The following CABLES1 variants were observed in gnomAD, a reference collection of about 807,000 sequenced individuals.
CABLES1 encodes the protein Cdk5 and Abl enzyme substrate 1.
Under a neutral mutation model 57.8 loss-of-function variants are expected in CABLES1, and 36 were observed. The ratio of observed to expected loss-of-function variants is 0.62; its 90% confidence interval spans 0.48 to 0.82. The LOEUF (loss-of-function observed/expected upper bound fraction) is 0.82. Ranked by LOEUF, CABLES1 falls within the 40% of genes least tolerant of loss-of-function variation. The pLI is 0.00. For synonymous variants in CABLES1, 374 were observed against 363.0 expected (o/e 1.03, Z -0.35); for missense variants, 767 against 836.6 (o/e 0.92, Z 1.03).
chr18:23,244,772 G>A (rs2047832302), intron 7 of CABLES1, among the ~76,000 whole-genome samples: 1 of 152,186 alleles, frequency 6.6e-6, no homozygotes, highest in South Asian at 2.1e-4. Flanking sequence ...GCTTGCAGCG[G>A]CTGCATACCT....
chr18:23,245,779 G>A (rs1161629577), intron 7 of CABLES1, among the ~76,000 whole-genome samples: 1 of 152,228 alleles, frequency 6.6e-6, no homozygotes, highest in African/African-American at 2.4e-5. Context: ...CTTCCCTGCA[G>A]CCAGGCATTC....
rs1019335745 is a variant in CABLES1 at position 23,137,603 on chromosome 18, C to T, written c.845+996C>T. ...AGTTATCCCTTCTGGGAAAGAATGA[C>T]TTTCTCTGCTAGAATTTCTCTCTCC... is the stretch of plus-strand genomic sequence containing the variant. On this transcript the variant is annotated intron_variant, in intron 1 of 9. Coordinates refer to ENST00000256925, the MANE Select transcript of CABLES1 (RefSeq NM_001100619.3). Among the ~76,000 whole-genome samples, 4 of 152,206 alleles carry T rather than the reference C, an allele frequency of 2.6e-5. No individual in the cohort carries two copies. In the East Asian group the frequency reaches 7.7e-4, roughly 29 times the overall value.
chr18:23,245,345 C>CA (rs1419238932), intron 7 of CABLES1, among the ~76,000 whole-genome samples: 1 of 151,820 alleles, frequency 6.6e-6, no homozygotes, highest in Non-Finnish European at 1.5e-5. Flanking sequence ...CCATCTCTAC[C>CA]AAAAAATACA....
intron 1 of CABLES1, among the ~76,000 whole-genome samples, chr18:23,153,414 T>A (rs2046945537): frequency 6.6e-6 from 1 of 151,980 alleles, no homozygotes; most frequent in Non-Finnish European, 1.5e-5. Context: ...CCTTTTAAGA[T>A]TAATTTTGAA....
chr18:23,163,545 G>A (rs75039407), intron 1 of CABLES1, among the ~76,000 whole-genome samples: 1 of 152,060 alleles, frequency 6.6e-6, no homozygotes, highest in South Asian at 2.1e-4. Flanking sequence ...AGGGAAGCCT[G>A]GGGGGCTGAG....
chr18:23,161,664 A>G (rs1342974791), intron 1 of CABLES1, among the ~76,000 whole-genome samples: 1 of 150,476 alleles, frequency 6.6e-6, no homozygotes, highest in African/African-American at 2.5e-5. Context: ...TAATCCCAGC[A>G]CTTTGGGAGG....
intron 9 of CABLES1, among the ~76,000 whole-genome samples, chr18:23,254,202 T>C (rs2048108597): frequency 1.3e-5 from 2 of 152,212 alleles, no homozygotes; most frequent in African/African-American, 4.8e-5. Context: ...GATGCAATCA[T>C]TCCCACAGCC....
chr18:23,178,362 C>T (rs962657849), intron 1 of CABLES1, among the ~76,000 whole-genome samples: 3 of 152,182 alleles, frequency 2.0e-5, no homozygotes, highest in Non-Finnish European at 1.5e-5. Context: ...GCCACTGAGC[C>T]AGCGACCCTG....
intron 7 of CABLES1, among the ~76,000 whole-genome samples, chr18:23,241,259 G>A (rs1339314137): frequency 6.6e-6 from 1 of 151,908 alleles, no homozygotes; most frequent in Non-Finnish European, 1.5e-5. Context: ...AGTGGATCAC[G>A]CCTATAAATC....
chr18:23,253,641 G>A (rs2048094082), intron 8 of CABLES1, 88 bp from the exon 9 acceptor site: 1 of 1,131,964 alleles, frequency 8.8e-7, no homozygotes, highest in African/African-American at 1.6e-5. Context: ...AAGAGAAAGA[G>A]AAAAAGCATT....
chr18:23,238,375 G>A (rs1393393210), intron 7 of CABLES1, among the ~76,000 whole-genome samples: 3 of 152,184 alleles, frequency 2.0e-5, no homozygotes, highest in Non-Finnish European at 4.4e-5. Context: ...GGTCATTTTC[G>A]TATGCCACAC....
chr18:23,135,804 C>A lies in CABLES1; in HGVS notation c.42C>A (p.Ser14Arg). ...AAAAATTAAC[S>R]SGSAGTDAAG... Reference sequence around the variant, plus strand: ...CGGCCGCCACCACGGCCGCCTGCAGCAGCGGCAGCGCCGGCACCGACGCCG... The same window carrying A: ...CGGCCGCCACCACGGCCGCCTGCAGAAGCGGCAGCGCCGGCACCGACGCCG... Residue 14 changes from serine (S) to arginine (R), a missense_variant, in exon 1 of 10, where the codon AGC (serine) becomes AGA (arginine). Coordinates refer to ENST00000256925, the MANE Select transcript of CABLES1 (RefSeq NM_001100619.3). The A allele has an allele frequency of 1.0e-6, 1 of 972,826 alleles. No individual in the cohort carries two copies. Among genetic ancestry groups the A allele is most frequent in the Non-Finnish European group, 1.2e-6 (1 of 818,902 alleles). The allele number at this position is 972,826 out of a possible 1,614,324, so 60.3% of individuals were successfully genotyped here. A position where few individuals can be genotyped will look rare whatever the true frequency, so the allele number is the denominator to read the frequency against.
At chr18:23,233,200 C>G (rs1249684597) in intron 4 of CABLES1, among the ~76,000 whole-genome samples, 1 of 152,172 alleles carries the variant, frequency 6.6e-6, no homozygotes, top group African/African-American at 2.4e-5. Flanking sequence ...AGGTCACAGC[C>G]CATGCCAACT....
intron 1 of CABLES1, among the ~76,000 whole-genome samples, chr18:23,185,466 T>TGATAGGGCTCAC (rs112843876): frequency 0.073 from 11,166 of 151,960 alleles, 870 homozygotes; most frequent in Admixed American, 0.22. Context: ...TGTGTGTTCC[T>TGATAGGGCTCAC]GACAGGGCTC....
At chr18:23,214,968 C>T (rs1311692973) in intron 4 of CABLES1, among the ~76,000 whole-genome samples, 1 of 152,190 alleles carries the variant, frequency 6.6e-6, no homozygotes, top group Non-Finnish European at 1.5e-5. Flanking sequence ...ACGGCCTATT[C>T]GATTCACCAA....
At chr18:23,254,066 A>G in intron 9 of CABLES1, 130 bp downstream of exon 9, 1 of 731,722 alleles carries the variant, frequency 1.4e-6, no homozygotes, top group African/African-American at 1.8e-5. Context: ...GGTGAAGGCT[A>G]TGAAGTCTTT....
rs1309662553 is a variant in CABLES1, at chr18:23,219,023, G to C, written c.1088+4969G>C. The C allele has an allele frequency of 2.7e-5, 10 of 369,060 alleles. No homozygotes were observed. In the Admixed American group the frequency reaches 2.7e-4, roughly 10 times the overall value. 22.9% of individuals were successfully genotyped at this position (369,060 alleles called of 1,614,324 possible). ...AGTGTTAAGTAAAAGCAGGGTGTTT[G>C]CTATGTAAAATTTCTTTATCCCCAC... is the stretch of plus-strand genomic sequence containing the variant. On this transcript the variant is annotated intron_variant, in intron 4 of 9. Transcript: ENST00000256925.
chr18:23,204,123 T>A (rs1239117013), intron 3 of CABLES1, among the ~76,000 whole-genome samples: 5 of 152,156 alleles, frequency 3.3e-5, no homozygotes, highest in Non-Finnish European at 7.3e-5. Context: ...CACCATCGCA[T>A]TTCCTTGGCT....
intron 1 of CABLES1, among the ~76,000 whole-genome samples, chr18:23,154,927 C>T (rs1363250526): frequency 1.3e-5 from 2 of 152,234 alleles, no homozygotes; most frequent in African/African-American, 4.8e-5. Flanking sequence ...GTCATTTACC[C>T]ATCCAGCCCC....
Sources: allele counts gnomAD v4.1 joint callset (sites outside exome capture counted in the v4.1 genomes callset), GRCh38; gene constraint gnomAD v4.1.1; transcripts MANE v1.5; gene names NCBI Gene and HGNC (gene_info 2026-07-23, HGNC 2026-07-21).